Variants in PRR16 observed in about 807,000 individuals in gnomAD.
PRR16 encodes the protein protein Largen.
PRR16 carries 6 observed loss-of-function variants against 18.2 expected under a neutral mutation model. The ratio of observed to expected loss-of-function variants is 0.33; its 90% CI spans 0.18 to 0.65. The LOEUF is 0.65. Ranked by LOEUF, PRR16 falls within the 30% of genes least tolerant of loss-of-function variation. PRR16 has a pLI of 0.74. For missense variants in PRR16, 412 were observed against 376.6 expected, an observed-to-expected ratio of 1.09 and a Z score of -0.78; for synonymous variants, 151 against 147.8, an observed-to-expected ratio of 1.02 and a Z score of -0.16.
chr5:120,688,348 T>G (rs1049705689), downstream of PRR16, among the ~76,000 whole-genome samples: 1 of 152,084 alleles, frequency 6.6e-6, no homozygotes, highest in Non-Finnish European at 1.5e-5. Context: ...ATGAAGATAA[T>G]GAAAGCAAAA....
At chr5:120,503,550 C>T (rs1033505812) in intron 1 of PRR16, among the ~76,000 whole-genome samples, 8 of 151,960 alleles carry the variant, frequency 5.3e-5, no homozygotes, top group East Asian at 1.9e-4. Context: ...AGAAAACTTA[C>T]GAGCTGAGAA....
intron 1 of PRR16, among the ~76,000 whole-genome samples, chr5:120,607,774 G>A (rs1049988370): frequency 5.3e-5 from 8 of 152,096 alleles, no homozygotes; most frequent in African/African-American, 1.7e-4. Flanking sequence ...TGATAACCAT[G>A]TGTGTTTGTG....
chr5:120,595,395 A>G (rs571847536), intron 1 of PRR16, among the ~76,000 whole-genome samples: 1 of 151,396 alleles, frequency 6.6e-6, no homozygotes, highest in African/African-American at 2.4e-5. Flanking sequence ...ACAATGAGAT[A>G]CCATTTCACA....
the PRR16 span, among the ~76,000 whole-genome samples, chr5:120,700,785 A>G: frequency 6.6e-6 from 1 of 152,048 alleles, no homozygotes; most frequent in Non-Finnish European, 1.5e-5. Context: ...TTCCACTGTG[A>G]GAGTTACCCA....
the PRR16 span, among the ~76,000 whole-genome samples, chr5:120,709,660 T>A: frequency 6.6e-6 from 1 of 152,162 alleles, no homozygotes; most frequent in Admixed American, 6.5e-5. Flanking sequence ...TCCCAGCCTC[T>A]GGTAACCACC....
chr5:120,466,482 T>G (rs1749110691), intron 1 of PRR16, among the ~76,000 whole-genome samples: 1 of 152,212 alleles, frequency 6.6e-6, no homozygotes, highest in South Asian at 2.1e-4. Context: ...TCCTTATGTT[T>G]TAATGTCAGT....
At chr5:120,583,476 G>T (rs1753341573) in intron 1 of PRR16, among the ~76,000 whole-genome samples, 1 of 152,004 alleles carries the variant, frequency 6.6e-6, no homozygotes, top group African/African-American at 2.4e-5. Context: ...ACTTGGTAGG[G>T]GTTAGGCCAG....
At chr5:120,700,834 C>G in the PRR16 span, among the ~76,000 whole-genome samples, 1 of 152,124 alleles carries the variant, frequency 6.6e-6, no homozygotes, top group Non-Finnish European at 1.5e-5. Context: ...GCTTCCGAGG[C>G]GATCGGGCAG....
chr5:120,740,176 T>C, the PRR16 span, among the ~76,000 whole-genome samples: 1 of 152,190 alleles, frequency 6.6e-6, no homozygotes, highest in Admixed American at 6.5e-5. Context: ...AGATGCTATT[T>C]GCACATAAGC....
At chr5:120,641,018 C>T (rs191488389) in intron 1 of PRR16, among the ~76,000 whole-genome samples, 2 of 152,006 alleles carry the variant, frequency 1.3e-5, no homozygotes, top group African/African-American at 4.8e-5. Context: ...AAGGCCTAGG[C>T]CTTGGCAACC....
At chr5:120,730,792 A>G in the PRR16 span, among the ~76,000 whole-genome samples, 2 of 152,188 alleles carry the variant, frequency 1.3e-5, no homozygotes, top group Admixed American at 6.6e-5. Flanking sequence ...ATTATGCTTC[A>G]TGCATATGGA....
chr5:120,548,966 TAC>T (rs138985218), intron 1 of PRR16, among the ~76,000 whole-genome samples: 7 of 150,550 alleles, frequency 4.6e-5, no homozygotes, highest in South Asian at 2.1e-4. Flanking sequence ...TTCATGCATG[TAC>T]ACACACACAC....
intron 1 of PRR16, among the ~76,000 whole-genome samples, chr5:120,610,831 C>A (rs1580784731): frequency 1.3e-5 from 2 of 152,116 alleles, no homozygotes; most frequent in Non-Finnish European, 2.9e-5. Flanking sequence ...TGAAAAGATA[C>A]CTGAAATTGT....
intron 1 of PRR16, among the ~76,000 whole-genome samples, chr5:120,586,737 C>T (rs986343751): frequency 1.3e-5 from 2 of 152,140 alleles, no homozygotes; most frequent in Non-Finnish European, 2.9e-5. Context: ...CCTTGGTCCT[C>T]TCTGTTCCCT....
chr5:120,500,023 C>G (rs1471104998), intron 1 of PRR16, among the ~76,000 whole-genome samples: 1 of 151,544 alleles, frequency 6.6e-6, no homozygotes, highest in Non-Finnish European at 1.5e-5. Flanking sequence ...TCTATCCTTA[C>G]TCAGCTTTTT....
At chr5:120,568,374 T>C (rs1752800715) in intron 1 of PRR16, among the ~76,000 whole-genome samples, 1 of 152,170 alleles carries the variant, frequency 6.6e-6, no homozygotes, top group Non-Finnish European at 1.5e-5. Flanking sequence ...TATTACCCCA[T>C]GGAGCAAGAG....
Position 120,686,564 on chromosome 5 carries a change from T to C in PRR16, c.770T>C (p.Leu257Pro). 1 of 1,612,568 alleles carries C rather than the reference T, an allele frequency of 6.2e-7. No homozygotes were observed. The highest frequency in any genetic ancestry group is 8.5e-7 in the Non-Finnish European group (1 of 1,179,484). ...QGPPLPPTPH[L>P]PPFPLENGGM... ...CCTCCCCTCCCTCCTACACCCCATC[T>C]CCCTCCTTTCCCACTAGAAAATGGG... The change falls in exon 2 of 2, where the codon CTC becomes CCC. Residue 257 changes from leucine (L) to proline (P), a missense_variant. Transcript: ENST00000407149.
intron 1 of PRR16, among the ~76,000 whole-genome samples, chr5:120,545,996 C>G (rs538209826): frequency 1.3e-5 from 2 of 152,058 alleles, no homozygotes; most frequent in South Asian, 4.2e-4. Flanking sequence ...TCGACATGGA[C>G]CAGCATTTGT....
At chr5:120,788,593 G>A in the PRR16 span, among the ~76,000 whole-genome samples, 1 of 151,996 alleles carries the variant, frequency 6.6e-6, no homozygotes, top group African/African-American at 2.4e-5. Context: ...TACAAAAATG[G>A]CACCAATAGA....
Sources: allele counts gnomAD v4.1 joint callset (sites outside exome capture counted in the v4.1 genomes callset), GRCh38; gene constraint gnomAD v4.1.1; transcripts MANE v1.5; gene names NCBI Gene and HGNC (gene_info 2026-07-23, HGNC 2026-07-21).